The following ADAMTS2 variants were observed in gnomAD, a reference collection of about 807,000 sequenced individuals.
ADAMTS2 encodes the protein A disintegrin and metalloproteinase with thrombospondin motifs 2.
ADAMTS2 carries 50 observed loss-of-function variants against 123.0 expected under a neutral mutation model. The observed-to-expected ratio is 0.41, with a 90% CI of 0.32 to 0.51. The LOEUF (loss-of-function observed/expected upper bound fraction) is 0.51. ADAMTS2 is among the 20% of genes least tolerant of loss of function. The pLI is 0.35. For missense variants in ADAMTS2, 1,494 were observed against 1,705.2 expected (o/e 0.88, Z 2.18); for synonymous variants, 678 against 695.4 (o/e 0.98, Z 0.39).
At chr5:179,268,935 C>T (rs1022676796) in intron 3 of ADAMTS2, among the ~76,000 whole-genome samples, 3 of 152,236 alleles carry the variant, frequency 2.0e-5, no homozygotes, top group East Asian at 1.9e-4. Flanking sequence ...GATCCTGATC[C>T]CTGCAACCTG....
At chr5:179,245,379 T>C (rs886724546) in intron 3 of ADAMTS2, among the ~76,000 whole-genome samples, 1 of 152,166 alleles carries the variant, frequency 6.6e-6, no homozygotes. Flanking sequence ...AACTGCAAAA[T>C]AATACCATTG....
intron 2 of ADAMTS2, among the ~76,000 whole-genome samples, chr5:179,302,379 CAAAAAAAAA>C (rs1166990772): frequency 5.2e-5 from 2 of 38,182 alleles, no homozygotes; most frequent in Non-Finnish European, 9.0e-5. Flanking sequence ...AAGACCGTCT[CAAAAAAAAA>C]AAAAAAAAAA....
chr5:179,265,774 G>A (rs949136812), intron 3 of ADAMTS2, among the ~76,000 whole-genome samples: 1 of 152,252 alleles, frequency 6.6e-6, no homozygotes, highest in African/African-American at 2.4e-5. Context: ...TCTGCACGAG[G>A]ACAGGAGCGC....
intron 4 of ADAMTS2, among the ~76,000 whole-genome samples, chr5:179,198,917 C>T (rs1288560615): frequency 6.6e-6 from 1 of 152,022 alleles, no homozygotes; most frequent in African/African-American, 2.4e-5. Context: ...AGGCTCAGCA[C>T]ACACCCAGTG....
chr5:179,335,834 G>A (rs1044075258), intron 2 of ADAMTS2, among the ~76,000 whole-genome samples: 30 of 152,192 alleles, frequency 2.0e-4, no homozygotes, highest in African/African-American at 7.0e-4. Context: ...GGGATGGGCA[G>A]GGCAAGGTAA....
chr5:179,329,268 A>C (rs557388055), intron 2 of ADAMTS2, among the ~76,000 whole-genome samples: 52 of 149,720 alleles, frequency 3.5e-4, no homozygotes, highest in African/African-American at 1.2e-3. Context: ...CAGAGCTTGC[A>C]GTGAGCCGAG....
At chr5:179,284,173 A>C (rs426524) in intron 2 of ADAMTS2, among the ~76,000 whole-genome samples, 17,707 of 150,294 alleles carry the variant, frequency 0.12, 1,133 homozygotes, top group Non-Finnish European at 0.14. Context: ...TACTAAAAAC[A>C]CAAAAATTAG....
At chr5:179,299,897 A>G (rs1410711074) in intron 2 of ADAMTS2, among the ~76,000 whole-genome samples, 1 of 151,980 alleles carries the variant, frequency 6.6e-6, no homozygotes, top group Non-Finnish European at 1.5e-5. Flanking sequence ...GATGGAGACC[A>G]TCCTGGCTAA....
intron 3 of ADAMTS2, among the ~76,000 whole-genome samples, chr5:179,247,888 A>C (rs1765840445): frequency 6.6e-6 from 1 of 152,178 alleles, no homozygotes; most frequent in African/African-American, 2.4e-5. Flanking sequence ...AAAGTCCTTC[A>C]GGTTGAAATA....
rs145696907 is a variant in ADAMTS2 at position 179,127,615 on chromosome 5, T to A, written c.2617+344A>T. On this transcript the variant is annotated intron_variant, in intron 17 of 21. Transcript: ENST00000251582. ...GGAGGTGTCATCTGCACTGCCAGAG[T>A]CTTGCCTATGCGATCCTGCCAATGC... Among the ~76,000 whole-genome samples the A allele has an allele frequency of 9.2e-5, 14 of 151,974 alleles. No homozygotes were observed. The East Asian group carries it at 2.5e-3, about 27-fold the overall frequency.
chr5:179,298,853 G>A (rs894223506), intron 2 of ADAMTS2, among the ~76,000 whole-genome samples: 5 of 152,170 alleles, frequency 3.3e-5, no homozygotes, highest in South Asian at 4.1e-4. Context: ...AGGAATCAAC[G>A]CAAAGCTTAA....
chr5:179,165,950 T>C (rs1039475638), intron 5 of ADAMTS2, among the ~76,000 whole-genome samples: 2 of 152,120 alleles, frequency 1.3e-5, no homozygotes, highest in African/African-American at 4.8e-5. Context: ...AAGAGGCTGA[T>C]CGGATCCTCT....
At chr5:179,173,289 G>C (rs910235352) in intron 5 of ADAMTS2, among the ~76,000 whole-genome samples, 2 of 151,596 alleles carry the variant, frequency 1.3e-5, no homozygotes, top group Admixed American at 1.3e-4. Flanking sequence ...ATTCAGTAAA[G>C]TACAAAGAAG....
At chr5:179,163,259 TTG>T (rs1763633806) in intron 5 of ADAMTS2, among the ~76,000 whole-genome samples, 1 of 152,312 alleles carries the variant, frequency 6.6e-6, no homozygotes, top group East Asian at 1.9e-4. Flanking sequence ...TAAGTCCATC[TTG>T]TGTTTTCCCA....
intron 4 of ADAMTS2, among the ~76,000 whole-genome samples, chr5:179,201,961 C>A (rs947098944): frequency 6.6e-6 from 1 of 152,168 alleles, no homozygotes; most frequent in African/African-American, 2.4e-5. Context: ...AACCAAAGAG[C>A]CCCTTTCTGT....
At chr5:179,342,182 C>G (rs1467161760) in intron 2 of ADAMTS2, among the ~76,000 whole-genome samples, 1 of 152,194 alleles carries the variant, frequency 6.6e-6, no homozygotes, top group Non-Finnish European at 1.5e-5. Context: ...GTGACAAGTC[C>G]TCCCCAAAAT....
chr5:179,148,925 C>T (rs1488709062), intron 10 of ADAMTS2, among the ~76,000 whole-genome samples: 1 of 150,304 alleles, frequency 6.7e-6, no homozygotes, highest in Non-Finnish European at 1.5e-5. Context: ...GCCAGGCAGG[C>T]CTGGCTCCCG....
chr5:179,306,723 G>A (rs1046312009), intron 2 of ADAMTS2, among the ~76,000 whole-genome samples: 1 of 152,186 alleles, frequency 6.6e-6, no homozygotes, highest in African/African-American at 2.4e-5. Flanking sequence ...AAGCCTAGGG[G>A]AAGCGGGGGC....
chr5:179,345,254 C>G lies in ADAMTS2; in HGVS notation c.75G>C (p.Pro25=), dbSNP rs965841596. The G allele has an allele frequency of 7.8e-6, 9 of 1,149,984 alleles. No individual in the cohort carries two copies. The African/African-American group carries it at 1.3e-4, about 17-fold the overall frequency. 71.2% of individuals were successfully genotyped at this position (1,149,984 alleles called of 1,614,324 possible). The stretch of plus-strand genomic sequence containing the variant: ...GCGGCGGCGGCGGCGGCAGGAGCGG[C>G]GGCGGCAGCAGCAGCAGCAGCAGCA... ...ALLLLLLLLP[P]PLLPPPPPPA... is the part of the protein sequence containing the mutation. Residue 25 remains proline (P), a synonymous_variant, in exon 1 of 22, where the codon CCG becomes CCC. Coordinates refer to ENST00000251582, the MANE Select transcript of ADAMTS2 (RefSeq NM_014244.5). The surrounding 1 kb of genome is among the most constrained non-coding windows in gnomAD (Gnocchi z 7.5).
Sources: allele counts gnomAD v4.1 joint callset (sites outside exome capture counted in the v4.1 genomes callset), GRCh38; gene constraint gnomAD v4.1.1; non-coding constraint Gnocchi (gnomAD v3.1); transcripts MANE v1.5; gene names NCBI Gene and HGNC (gene_info 2026-07-23, HGNC 2026-07-21).